The following CPLX2 variants were observed in gnomAD, a reference collection of about 807,000 sequenced individuals.
CPLX2 encodes complexin 2, also known as complexin-2.
In CPLX2, 5 loss-of-function variants were observed where a neutral mutation model predicts 16.3. The ratio of observed to expected loss-of-function variants is 0.31; its 90% CI spans 0.16 to 0.64. The LOEUF (loss-of-function observed/expected upper bound fraction) is 0.64, where lower values mean the gene tolerates loss of function less well. Among genes scored for constraint, CPLX2 ranks in the 30% least tolerant of loss-of-function variants. CPLX2 has a pLI of 0.79. For missense variants in CPLX2, 144 were observed against 181.4 expected, an observed-to-expected ratio of 0.79 and a Z score of 1.18; for synonymous variants, 89 against 73.2, an observed-to-expected ratio of 1.22 and a Z score of -1.10.
At chr5:175,846,943 C>T (rs883235) in intron 2 of CPLX2, among the ~76,000 whole-genome samples, 6,445 of 152,248 alleles carry the variant, frequency 0.042, 455 homozygotes, top group African/African-American at 0.15. Context: ...AGCTGGGCAA[C>T]CTTGGGCACG....
At chr5:175,846,268 C>T (rs1015710652) in intron 2 of CPLX2, among the ~76,000 whole-genome samples, 1 of 152,170 alleles carries the variant, frequency 6.6e-6, no homozygotes, top group African/African-American at 2.4e-5. Flanking sequence ...CCTGTAGGTT[C>T]CCAGGGCTCA....
intron 2 of CPLX2, among the ~76,000 whole-genome samples, chr5:175,838,692 A>C (rs909016662): frequency 6.6e-6 from 1 of 152,094 alleles, no homozygotes; most frequent in African/African-American, 2.4e-5. Flanking sequence ...AGTTCTTTGA[A>C]GTCCTAAGAT....
chr5:175,828,980 C>T (rs978917964), intron 2 of CPLX2, among the ~76,000 whole-genome samples: 24 of 152,100 alleles, frequency 1.6e-4, no homozygotes, highest in African/African-American at 5.3e-4. Context: ...TGGAGCCAGA[C>T]GCACTCCCCG....
chr5:175,846,710 C>G (rs1366512691), intron 2 of CPLX2, among the ~76,000 whole-genome samples: 1 of 152,202 alleles, frequency 6.6e-6, no homozygotes, highest in African/African-American at 2.4e-5. Flanking sequence ...TTCTAGGAGC[C>G]TTTGCTGCCT....
intron 2 of CPLX2, among the ~76,000 whole-genome samples, chr5:175,863,517 G>A (rs1039651268): frequency 6.6e-6 from 1 of 152,160 alleles, no homozygotes; most frequent in Non-Finnish European, 1.5e-5. Context: ...CGAGGGCCTG[G>A]GGATTAAATC....
At chr5:175,860,530 AAGAAAGAAAGAT>A (rs879674373) in intron 2 of CPLX2, among the ~76,000 whole-genome samples, 4,581 of 30,264 alleles carry the variant, frequency 0.15, 243 homozygotes, top group East Asian at 0.47. Context: ...GAAAGAAAGA[AAGAAAGAAAGAT>A]AGATAGAAAG....
chr5:175,870,825 G>A (rs1759573070), upstream of CPLX2, among the ~76,000 whole-genome samples: 2 of 152,150 alleles, frequency 1.3e-5, no homozygotes, highest in Admixed American at 1.3e-4. Flanking sequence ...GCTTGCCTAA[G>A]GTCCACTGCA....
chr5:175,798,016 T>C (rs1255782734), intron 1 of CPLX2, among the ~76,000 whole-genome samples: 1 of 152,158 alleles, frequency 6.6e-6, no homozygotes, highest in Non-Finnish European at 1.5e-5. Flanking sequence ...GCAGGGGTGA[T>C]TCGCCCAAGG....
At chr5:175,861,928 C>T (rs1021940747) in intron 2 of CPLX2, among the ~76,000 whole-genome samples, 1 of 152,150 alleles carries the variant, frequency 6.6e-6, no homozygotes, top group African/African-American at 2.4e-5. Context: ...TGTCTGGGGA[C>T]GTTCCTTAAT....
In CPLX2 at chr5:175,874,338, C is replaced by T. The variant is rs527599107; in HGVS notation, c.-89+2633C>T. ...TCTCCCTGGAATTCTCCCTCGGCAC[C>T]CCCATCCCAATCTTAACTCACCAAT... On this transcript the variant is annotated intron_variant, in intron 1 of 3. Transcript: ENST00000393745. 7.2e-5 allele frequency among the ~76,000 whole-genome samples: 11 copies of T among 152,228 alleles called. No individual in the cohort carries two copies. In the South Asian group the frequency reaches 2.3e-3, roughly 32 times the overall value.
chr5:175,842,927 C>T (rs1758970604), intron 2 of CPLX2, among the ~76,000 whole-genome samples: 1 of 152,202 alleles, frequency 6.6e-6, no homozygotes, highest in Non-Finnish European at 1.5e-5. Flanking sequence ...CACCAAGTTT[C>T]CCCTCTAGGC....
At chr5:175,821,656 C>T (rs1355617430) in intron 2 of CPLX2, among the ~76,000 whole-genome samples, 1 of 152,256 alleles carries the variant, frequency 6.6e-6, no homozygotes, top group Non-Finnish European at 1.5e-5. Context: ...GATCTGCCCG[C>T]CTTGGCCTCC....
At chr5:175,863,159 C>A (rs1005352353) in intron 2 of CPLX2, among the ~76,000 whole-genome samples, 1 of 152,214 alleles carries the variant, frequency 6.6e-6, no homozygotes, top group Non-Finnish European at 1.5e-5. Flanking sequence ...GTCCTTAGGG[C>A]ACAGCTCTGA....
At chr5:175,817,635 G>T (rs185942064) in intron 2 of CPLX2, among the ~76,000 whole-genome samples, 26 of 152,238 alleles carry the variant, frequency 1.7e-4, no homozygotes, top group Admixed American at 2.6e-4. Context: ...GTGAAGAGAG[G>T]GTCTGATGTC....
At chr5:175,866,084 G>T (rs1004680270) in intron 2 of CPLX2, among the ~76,000 whole-genome samples, 3 of 152,224 alleles carry the variant, frequency 2.0e-5, no homozygotes, top group African/African-American at 7.2e-5. Context: ...GGTTTCACTG[G>T]TGGAGAGGAA....
At chr5:175,862,634 T>G (rs1249144672) in intron 2 of CPLX2, among the ~76,000 whole-genome samples, 2 of 152,214 alleles carry the variant, frequency 1.3e-5, no homozygotes, top group Non-Finnish European at 2.9e-5. Context: ...GGCTTGGACT[T>G]TATACTGAAG....
At chr5:175,833,447 G>A (rs1454374218) in intron 2 of CPLX2, among the ~76,000 whole-genome samples, 1 of 152,158 alleles carries the variant, frequency 6.6e-6, no homozygotes. Context: ...AAGCATGGGG[G>A]GCTGTACAAG....
rs904655706 is a variant in CPLX2 at position 175,880,598 on chromosome 5, A to G, written c.*553A>G. On this transcript the variant is annotated 3_prime_UTR_variant, in exon 4 of 4. Transcript: ENST00000393745. ...GGGAGGCTGGGGCTCTTCTTCTTCC[A>G]TCTCCTTGGTGACACCCAGCCCAGG... The G allele has an allele frequency of 6.0e-6, 1 of 166,810 alleles. No individual in the cohort carries two copies. The highest frequency in any genetic ancestry group is 1.3e-5 in the Non-Finnish European group (1 of 77,200). 10.3% of individuals were successfully genotyped at this position (166,810 alleles called of 1,614,324 possible). A position where few individuals can be genotyped will look rare whatever the true frequency, so the allele number is the denominator to read the frequency against.
At chr5:175,839,372 G>A (rs573580443) in intron 2 of CPLX2, among the ~76,000 whole-genome samples, 6 of 151,932 alleles carry the variant, frequency 3.9e-5, no homozygotes, top group South Asian at 4.2e-4. Context: ...TGCAACCTCC[G>A]TCTCCCAGGT....
Sources: gnomAD v4.1 joint callset for allele counts (sites outside exome capture counted in the v4.1 genomes callset) on GRCh38, gnomAD v4.1.1 for gene constraint, MANE v1.5 for transcripts, NCBI Gene and HGNC (gene_info 2026-07-23, HGNC 2026-07-21) for gene names.